The following PREX2 variants were observed in gnomAD, a reference collection of about 807,000 sequenced individuals.
PREX2 encodes phosphatidylinositol 3,4,5-trisphosphate-dependent Rac exchanger 2 protein.
In PREX2, 107 loss-of-function variants were observed where a neutral mutation model predicts 203.2. The observed-to-expected ratio is 0.53, with a 90% confidence interval of 0.45 to 0.62. The LOEUF is 0.62. PREX2 is among the 20% of genes least tolerant of loss of function. PREX2 has a pLI of 0.00. For synonymous variants in PREX2, 672 were observed against 663.6 expected (o/e 1.01, Z -0.19); for missense variants, 1,777 against 1,955.9 (o/e 0.91, Z 1.72).
At chr8:68,088,096 G>C (rs1229429698) in intron 19 of PREX2, among the ~76,000 whole-genome samples, 1 of 152,036 alleles carries the variant, frequency 6.6e-6, no homozygotes, top group Non-Finnish European at 1.5e-5. Context: ...TTTTCTATTT[G>C]TATTTTTCTT....
intron 8 of PREX2, among the ~76,000 whole-genome samples, chr8:68,047,484 T>TATATATATATATATATACACATAC (rs1808394496): frequency 9.6e-6 from 1 of 103,796 alleles, no homozygotes; most frequent in Non-Finnish European, 1.8e-5. Flanking sequence ...TATATATATA[T>TATATATATATATATATACACATAC]ATATATATAT....
chr8:67,986,411 C>A (rs928507452), intron 1 of PREX2, among the ~76,000 whole-genome samples: 6 of 151,918 alleles, frequency 3.9e-5, no homozygotes, highest in Non-Finnish European at 7.4e-5. Context: ...ATGCCGGGAG[C>A]GTAGGGCTGC....
chr8:68,134,379 A>C, intron 32 of PREX2, 103 bp downstream of exon 32: 2 of 908,758 alleles, frequency 2.2e-6, no homozygotes, highest in Non-Finnish European at 3.4e-6. Flanking sequence ...GGTTATCTCT[A>C]TGAATGTGCG....
intron 1 of PREX2, among the ~76,000 whole-genome samples, chr8:67,976,640 GAGAC>G (rs1163337462): frequency 0.055 from 6,072 of 110,844 alleles, 748 homozygotes; most frequent in East Asian, 0.15. Context: ...AGACGGGAGA[GAGAC>G]AGAGAGAGAG....
At chr8:68,145,926 C>T (rs1158099610) in intron 33 of PREX2, among the ~76,000 whole-genome samples, 1 of 152,034 alleles carries the variant, frequency 6.6e-6, no homozygotes, top group Non-Finnish European at 1.5e-5. Context: ...TGTAGCTAAA[C>T]ACCTCATTTA....
intron 13 of PREX2, among the ~76,000 whole-genome samples, chr8:68,071,654 T>C (rs1407153241): frequency 6.6e-6 from 1 of 152,186 alleles, no homozygotes; most frequent in Non-Finnish European, 1.5e-5. Context: ...GAACTTTGAA[T>C]GGTTTCTCAG....
rs573090261 is a variant in PREX2, at chr8:67,959,543, G to A, written c.141+7008G>A. On this transcript the variant is annotated intron_variant, in intron 1 of 39. Transcript: ENST00000288368. ...GCAGTGAAAACAGAAAGTGGCAGAA[G>A]GCAAATGGCATCTTTGGGGGAAGCA... Among the ~76,000 whole-genome samples, 7 of 152,270 alleles carry A rather than the reference G, an allele frequency of 4.6e-5. No homozygotes were observed. The East Asian group carries it at 1.4e-3, about 29-fold the overall frequency.
intron 37 of PREX2, among the ~76,000 whole-genome samples, chr8:68,210,067 C>G (rs1175745087): frequency 2.0e-5 from 3 of 152,162 alleles, no homozygotes; most frequent in African/African-American, 7.2e-5. Context: ...ACGTGTATCC[C>G]TAAATTCAGT....
At chr8:68,222,407 C>A in intron 38 of PREX2, among the ~76,000 whole-genome samples, 1 of 145,336 alleles carries the variant, frequency 6.9e-6, no homozygotes, top group African/African-American at 2.6e-5. Flanking sequence ...AAAGAGCTCC[C>A]AGTGGCCAAA....
At chr8:68,216,968 C>CAAAAAAAAAAAAAAAA (rs59972334) in intron 37 of PREX2, among the ~76,000 whole-genome samples, 1 of 112,884 alleles carries the variant, frequency 8.9e-6, no homozygotes, top group Non-Finnish European at 2.1e-5. Context: ...CTCAAAAAAA[C>CAAAAAAAAAAAAAAAA]AAAAAAAAAA....
At chr8:68,064,903 G>A (rs1327779808) in intron 11 of PREX2, among the ~76,000 whole-genome samples, 7 of 152,142 alleles carry the variant, frequency 4.6e-5, no homozygotes, top group Admixed American at 4.6e-4. Flanking sequence ...CTACAAATCA[G>A]AACTTCTCCT....
intron 18 of PREX2, among the ~76,000 whole-genome samples, chr8:68,084,208 A>C (rs1297631070): frequency 3.3e-5 from 5 of 152,120 alleles, no homozygotes; most frequent in Non-Finnish European, 5.9e-5. Context: ...TAATTAATTG[A>C]GATAATTTGT....
intron 14 of PREX2, among the ~76,000 whole-genome samples, chr8:68,074,613 G>A (rs1563530991): frequency 6.6e-6 from 1 of 152,192 alleles, no homozygotes; most frequent in Non-Finnish European, 1.5e-5. Context: ...GGCAGAAATA[G>A]TAATGGAAGG....
At chr8:67,978,032 C>T (rs992390318) in intron 1 of PREX2, among the ~76,000 whole-genome samples, 2 of 152,168 alleles carry the variant, frequency 1.3e-5, no homozygotes, top group Admixed American at 6.5e-5. Flanking sequence ...CGGTTTTTAG[C>T]TGGTTGATCA....
chr8:68,229,905 T>C (rs1477901942), intron 39 of PREX2, among the ~76,000 whole-genome samples: 1 of 152,216 alleles, frequency 6.6e-6, no homozygotes, highest in African/African-American at 2.4e-5. Flanking sequence ...AGTAACACCA[T>C]ATTCTTCAGC....
At chr8:68,003,842 C>CTTTTTTT (rs148890144) in intron 1 of PREX2, among the ~76,000 whole-genome samples, 6 of 90,634 alleles carry the variant, frequency 6.6e-5, no homozygotes, top group Non-Finnish European at 1.0e-4. Flanking sequence ...CTGGCCTGAC[C>CTTTTTTT]TTTTTTTTTT....
chr8:68,080,466 G>A lies in PREX2; in HGVS notation c.1666G>A (p.Asp556Asn). The change falls in exon 16 of 40, where the codon GAT (aspartate) becomes AAT (asparagine). Residue 556 changes from aspartate to asparagine, a missense_variant. Asp to Asn is a conservative substitution (Grantham distance 23, BLOSUM62 1). Coordinates refer to ENST00000288368, the MANE Select transcript of PREX2 (RefSeq NM_024870.4). ...HHVLEKSEFK[D>N]EPLLFRFFSD... ...AGTCCTTGAAAAAAGCGAATTCAAA[G>A]ATGAACCCCTACTTTTCCGTTTTTT... is the stretch of plus-strand genomic sequence containing the variant. 1 of 1,611,932 alleles carries A rather than the reference G, an allele frequency of 6.2e-7. No homozygotes were observed. Among genetic ancestry groups the A allele is most frequent in the Non-Finnish European group, 8.5e-7 (1 of 1,179,316 alleles).
intron 37 of PREX2, among the ~76,000 whole-genome samples, chr8:68,210,493 A>G (rs1286253462): frequency 1.3e-5 from 2 of 152,192 alleles, no homozygotes; most frequent in Admixed American, 6.5e-5. Context: ...AGAGCTAGCA[A>G]ATAAATCCAC....
At chr8:68,162,929 C>T (rs1225460907) in intron 35 of PREX2, among the ~76,000 whole-genome samples, 1 of 152,130 alleles carries the variant, frequency 6.6e-6, no homozygotes, top group Non-Finnish European at 1.5e-5. Context: ...CTTAAAATAT[C>T]TAGCAGAGAT....
Sources: allele counts gnomAD v4.1 joint callset (sites outside exome capture counted in the v4.1 genomes callset), GRCh38; gene constraint gnomAD v4.1.1; transcripts MANE v1.5; gene names NCBI Gene and HGNC (gene_info 2026-07-23, HGNC 2026-07-21).